Variants in SAMD5 observed in about 807,000 individuals in gnomAD.
SAMD5 encodes sterile alpha motif domain-containing protein 5.
SAMD5 carries 13 observed loss-of-function variants against 11.3 expected under a neutral mutation model. The observed-to-expected ratio is 1.15, with a 90% CI of 0.75 to 1.83. The LOEUF (loss-of-function observed/expected upper bound fraction) is 1.83. Ranked by LOEUF, SAMD5 falls within the 40% of genes most tolerant of loss-of-function variation. The pLI, the probability that SAMD5 is intolerant of heterozygous loss-of-function variation, is 0.00. For synonymous variants in SAMD5, 129 were observed against 111.3 expected (o/e 1.16, Z -1.00); for missense variants, 255 against 239.1 (o/e 1.07, Z -0.44).
Position 147,565,167 on chromosome 6 carries a change from G to A in SAMD5, c.*711G>A. On this transcript the variant is annotated 3_prime_UTR_variant, in exon 2 of 2. Transcript: ENST00000367474. Reference sequence around the variant, plus strand: ...TAATACAAGTGTCTTGCTCTGACATGCATCAAGCAAGAGCTAGCTATTTTA... The same window carrying A: ...TAATACAAGTGTCTTGCTCTGACATACATCAAGCAAGAGCTAGCTATTTTA... The A allele has an allele frequency of 4.1e-6, 4 of 985,484 alleles. No homozygotes were observed. Among genetic ancestry groups the A allele is most frequent in the Non-Finnish European group, 4.8e-6 (4 of 829,644 alleles). 61.0% of individuals were successfully genotyped at this position (985,484 alleles called of 1,614,324 possible).
At chr6:147,951,150 T>A in the SAMD5 span, among the ~76,000 whole-genome samples, 1 of 151,486 alleles carries the variant, frequency 6.6e-6, no homozygotes, top group African/African-American at 2.4e-5. Context: ...TCTTTTCACC[T>A]TTCCTTGTTT....
At chr6:147,637,092 A>G (rs1583117377) in intron 1 of SAMD5, among the ~76,000 whole-genome samples, 1 of 152,154 alleles carries the variant, frequency 6.6e-6, no homozygotes, top group African/African-American at 2.4e-5. Flanking sequence ...TGGAGCTCAC[A>G]TGGGTTCACA....
chr6:147,735,654 TA>T (rs1046590350), intron 1 of SAMD5, among the ~76,000 whole-genome samples: 4 of 137,212 alleles, frequency 2.9e-5, no homozygotes, highest in African/African-American at 1.4e-4. Flanking sequence ...TCTATTTTAC[TA>T]TTTTTTTTTT....
At chr6:147,729,653 G>A (rs553742363) in intron 1 of SAMD5, 52 of 391,660 alleles carry the variant, frequency 1.3e-4, no homozygotes, top group African/African-American at 5.8e-4. Flanking sequence ...AGATGGAGCC[G>A]CCAAGGGAGG....
chr6:147,570,925 A>G (rs1025229852), downstream of SAMD5, among the ~76,000 whole-genome samples: 2 of 152,116 alleles, frequency 1.3e-5, no homozygotes, highest in Non-Finnish European at 2.9e-5. Context: ...ACATCCTCTA[A>G]TCCTGGCTTT....
chr6:147,768,165 A>G, the SAMD5 span, among the ~76,000 whole-genome samples: 1 of 152,192 alleles, frequency 6.6e-6, no homozygotes, highest in Non-Finnish European at 1.5e-5. Context: ...TAGGTGTACC[A>G]ATCTTCAACA....
At chr6:147,861,322 G>A in the SAMD5 span, among the ~76,000 whole-genome samples, 1 of 152,022 alleles carries the variant, frequency 6.6e-6, no homozygotes, top group Non-Finnish European at 1.5e-5. Context: ...CCACCACCCT[G>A]CCCGGCTAAT....
chr6:147,659,536 G>A (rs1211385825), intron 1 of SAMD5, among the ~76,000 whole-genome samples: 1 of 152,092 alleles, frequency 6.6e-6, no homozygotes, highest in African/African-American at 2.4e-5. Flanking sequence ...ATGATGGAGA[G>A]GTTTTCATTA....
intron 1 of SAMD5, among the ~76,000 whole-genome samples, chr6:147,543,455 T>G (rs1462707398): frequency 1.3e-5 from 2 of 152,182 alleles, no homozygotes; most frequent in African/African-American, 4.8e-5. Flanking sequence ...GTCTTCATAT[T>G]GGTGTTTGTG....
chr6:147,727,313 C>T (rs1276126768), intron 1 of SAMD5, among the ~76,000 whole-genome samples: 3 of 152,196 alleles, frequency 2.0e-5, no homozygotes, highest in Admixed American at 6.5e-5. Flanking sequence ...AGCAACGTTT[C>T]CTCCTCCAAG....
intron 1 of SAMD5, among the ~76,000 whole-genome samples, chr6:147,577,690 G>C (rs921413606): frequency 1.3e-5 from 2 of 151,908 alleles, no homozygotes; most frequent in Non-Finnish European, 2.9e-5. Context: ...GGAGAGAGTT[G>C]GCAAAAAAGT....
chr6:147,949,351 C>G, the SAMD5 span, among the ~76,000 whole-genome samples: 1 of 152,100 alleles, frequency 6.6e-6, no homozygotes, highest in East Asian at 1.9e-4. Context: ...ATAAATGGTT[C>G]CAATCTGTAA....
chr6:147,650,229 T>C (rs1198625197), intron 1 of SAMD5, among the ~76,000 whole-genome samples: 2 of 152,192 alleles, frequency 1.3e-5, no homozygotes, highest in African/African-American at 4.8e-5. Flanking sequence ...CAGCAGAAGA[T>C]AAAGTGTCAC....
the SAMD5 span, among the ~76,000 whole-genome samples, chr6:147,817,417 C>A: frequency 7.9e-5 from 12 of 152,230 alleles, no homozygotes; most frequent in African/African-American, 9.6e-5. Flanking sequence ...TTGATTGATG[C>A]TTCTTTCTGA....
At chr6:147,755,492 G>A in the SAMD5 span, among the ~76,000 whole-genome samples, 1 of 152,002 alleles carries the variant, frequency 6.6e-6, no homozygotes, top group Non-Finnish European at 1.5e-5. Context: ...TAGAAAGTGG[G>A]AAAATGTAAA....
At chr6:147,927,546 G>A in the SAMD5 span, among the ~76,000 whole-genome samples, 1 of 152,170 alleles carries the variant, frequency 6.6e-6, no homozygotes, top group South Asian at 2.1e-4. Flanking sequence ...CTGTTTATTA[G>A]CTGAGGGAGC....
the SAMD5 span, among the ~76,000 whole-genome samples, chr6:147,875,601 G>A: frequency 2.6e-5 from 4 of 152,168 alleles, no homozygotes; most frequent in Non-Finnish European, 2.9e-5. Flanking sequence ...ACAGCAGGAG[G>A]TGAGTGGTGG....
downstream of SAMD5, among the ~76,000 whole-genome samples, chr6:147,571,619 G>A (rs1274657749): frequency 1.3e-5 from 2 of 151,852 alleles, no homozygotes; most frequent in African/African-American, 4.8e-5. Flanking sequence ...AATCTCGTTT[G>A]TTTCTTGGCT....
At chr6:147,730,181 G>A (rs936191776) in intron 1 of SAMD5, 1 of 410,458 alleles carries the variant, frequency 2.4e-6, no homozygotes, top group Non-Finnish European at 4.7e-6. Flanking sequence ...AAGAGCCTTG[G>A]GGGCATGCCT....
Sources: gnomAD v4.1 joint callset for allele counts (sites outside exome capture counted in the v4.1 genomes callset) on GRCh38, gnomAD v4.1.1 for gene constraint, MANE v1.5 for transcripts, NCBI Gene and HGNC (gene_info 2026-07-23, HGNC 2026-07-21) for gene names.